NUBPL: variants seen among roughly 807,000 people sequenced by gnomAD.
The protein encoded by NUBPL is iron-sulfur cluster transfer protein NUBPL.
A neutral mutation model predicts 45.7 loss-of-function variants in NUBPL; 31 were observed. That is an observed-to-expected ratio of 0.68 (90% CI 0.51 to 0.92). The LOEUF (loss-of-function observed/expected upper bound fraction) is 0.92, where lower values mean the gene tolerates loss of function less well. NUBPL is among the 40% of genes least tolerant of loss of function. The pLI, the probability that NUBPL is intolerant of heterozygous loss-of-function variation, is 0.00. For missense variants in NUBPL, 401 were observed against 398.7 expected (o/e 1.01, Z -0.05); for synonymous variants, 144 against 140.9 (o/e 1.02, Z -0.15).
At chr14:31,856,224 C>T (rs2040616483) in intron 10 of NUBPL, among the ~76,000 whole-genome samples, 1 of 152,066 alleles carries the variant, frequency 6.6e-6, no homozygotes, top group Non-Finnish European at 1.5e-5. Flanking sequence ...AAAAAGAGAG[C>T]TTGTGCAAGT....
At chr14:31,752,713 G>A (rs1180181433) in intron 6 of NUBPL, among the ~76,000 whole-genome samples, 1 of 152,086 alleles carries the variant, frequency 6.6e-6, no homozygotes, top group Admixed American at 6.6e-5. Context: ...ACATTGTCAG[G>A]TTATCTTTAT....
chr14:31,764,482 C>A (rs930454383), intron 6 of NUBPL, among the ~76,000 whole-genome samples: 1 of 152,116 alleles, frequency 6.6e-6, no homozygotes, highest in African/African-American at 2.4e-5. Context: ...CATGACTGAA[C>A]TCCATAATGA....
At chr14:31,720,400 AT>A (rs2037783068) in intron 6 of NUBPL, among the ~76,000 whole-genome samples, 1 of 152,042 alleles carries the variant, frequency 6.6e-6, no homozygotes, top group Non-Finnish European at 1.5e-5. Flanking sequence ...AGTCTTTGAT[AT>A]TTTTTCATTG....
intron 4 of NUBPL, among the ~76,000 whole-genome samples, chr14:31,657,190 A>G (rs1215304432): frequency 6.6e-6 from 1 of 152,152 alleles, no homozygotes; most frequent in Non-Finnish European, 1.5e-5. Flanking sequence ...CCAAAGTTTT[A>G]TTACCTGTGT....
chr14:31,696,386 G>A (rs796474790), intron 6 of NUBPL, among the ~76,000 whole-genome samples: 4 of 152,220 alleles, frequency 2.6e-5, no homozygotes, highest in African/African-American at 9.6e-5. Context: ...GTCATCTCTT[G>A]TTCTCCCATT....
chr14:31,693,209 A>G (rs2037131049), intron 6 of NUBPL, among the ~76,000 whole-genome samples: 1 of 152,186 alleles, frequency 6.6e-6, no homozygotes, highest in Non-Finnish European at 1.5e-5. Context: ...GTGTTTAAAT[A>G]TTAGTAGTTG....
At chr14:31,814,801 C>T (rs1225339061) in intron 7 of NUBPL, among the ~76,000 whole-genome samples, 1 of 152,162 alleles carries the variant, frequency 6.6e-6, no homozygotes, top group Non-Finnish European at 1.5e-5. Context: ...GGAATCCTTT[C>T]CCCATTGCTG....
intron 6 of NUBPL, among the ~76,000 whole-genome samples, chr14:31,759,829 T>G (rs1279157398): frequency 2.0e-5 from 3 of 151,314 alleles, no homozygotes; most frequent in African/African-American, 7.3e-5. Context: ...TGTTCAACAC[T>G]TTATTATATA....
intron 4 of NUBPL, among the ~76,000 whole-genome samples, chr14:31,637,714 G>A (rs1416130311): frequency 6.6e-6 from 1 of 152,174 alleles, no homozygotes; most frequent in South Asian, 2.1e-4. Flanking sequence ...TTATTATTGT[G>A]TGGGAGTCTA....
intron 6 of NUBPL, among the ~76,000 whole-genome samples, chr14:31,768,512 T>A (rs2115953): frequency 2.0e-5 from 3 of 152,172 alleles, no homozygotes; most frequent in Non-Finnish European, 4.4e-5. Context: ...GAAGAAAACC[T>A]CTGGTGCTTA....
At chr14:31,704,609 G>A (rs1035345279) in intron 6 of NUBPL, among the ~76,000 whole-genome samples, 2 of 151,974 alleles carry the variant, frequency 1.3e-5, no homozygotes, top group Admixed American at 1.3e-4. Context: ...GTTGCTGTGA[G>A]CCAAGATCAT....
chr14:31,838,211 T>A (rs1326829766), intron 8 of NUBPL, among the ~76,000 whole-genome samples: 1 of 146,300 alleles, frequency 6.8e-6, no homozygotes, highest in Non-Finnish European at 1.5e-5. Context: ...TATAAATTGA[T>A]AGAACTTTAT....
intron 7 of NUBPL, among the ~76,000 whole-genome samples, chr14:31,788,222 G>C (rs2039318991): frequency 6.6e-6 from 1 of 152,236 alleles, no homozygotes; most frequent in East Asian, 1.9e-4. Context: ...TAGCAGCAAG[G>C]GTTCAGTAGT....
intron 4 of NUBPL, among the ~76,000 whole-genome samples, chr14:31,630,908 C>T (rs2035324496): frequency 6.6e-6 from 1 of 152,142 alleles, no homozygotes; most frequent in South Asian, 2.1e-4. Flanking sequence ...TGTGAAAACT[C>T]CACAGGACCC....
chr14:31,824,084 T>G (rs2040060324), intron 7 of NUBPL, among the ~76,000 whole-genome samples: 1 of 152,138 alleles, frequency 6.6e-6, no homozygotes, highest in Admixed American at 6.5e-5. Context: ...ATAACAATAA[T>G]ATATGTAATA....
At chr14:31,579,098 A>C (rs548842260) in intron 3 of NUBPL, among the ~76,000 whole-genome samples, 70 of 152,310 alleles carry the variant, frequency 4.6e-4, no homozygotes, top group Middle Eastern at 3.4e-3. Context: ...ATAAGGAAGC[A>C]TAAGCCTTCT....
At chr14:31,637,507 A>C (rs1445135805) in intron 4 of NUBPL, among the ~76,000 whole-genome samples, 2 of 152,294 alleles carry the variant, frequency 1.3e-5, no homozygotes, top group East Asian at 1.9e-4. Context: ...CTTTACTTCC[A>C]AGTATGTGGT....
intron 7 of NUBPL, among the ~76,000 whole-genome samples, chr14:31,802,839 G>A (rs768680019): frequency 5.9e-5 from 9 of 152,122 alleles, no homozygotes; most frequent in Non-Finnish European, 1.3e-4. Context: ...AGGTCTTTCT[G>A]TCTCTCATTC....
At chr14:31,648,606 C>A (rs1344120680) in intron 4 of NUBPL, among the ~76,000 whole-genome samples, 1 of 152,054 alleles carries the variant, frequency 6.6e-6, no homozygotes, top group Non-Finnish European at 1.5e-5. Context: ...GATAATCTGC[C>A]CTGTTAGCTT....
Sources: allele counts gnomAD v4.1 joint callset (sites outside exome capture counted in the v4.1 genomes callset), GRCh38; gene constraint gnomAD v4.1.1; transcripts MANE v1.5; gene names NCBI Gene and HGNC (gene_info 2026-07-23, HGNC 2026-07-21).